Variants in MYOCD observed in about 807,000 individuals in gnomAD.
The protein encoded by MYOCD is myocardin.
In MYOCD, 32 loss-of-function variants were observed where a neutral mutation model predicts 96.1. The ratio of observed to expected loss-of-function variants is 0.33; its 90% CI spans 0.25 to 0.45. MYOCD has a LOEUF of 0.45. MYOCD is among the 20% of genes least tolerant of loss of function. The pLI is 1.00. For synonymous variants in MYOCD, 469 were observed against 469.0 expected, an observed-to-expected ratio of 1.00 and a Z score of 0.00; for missense variants, 1,133 against 1,200.6, an observed-to-expected ratio of 0.94 and a Z score of 0.83.
At chr17:12,680,605 G>A (rs986504899) in intron 1 of MYOCD, among the ~76,000 whole-genome samples, 2 of 152,208 alleles carry the variant, frequency 1.3e-5, no homozygotes, top group Admixed American at 6.5e-5. Flanking sequence ...GGCCCCGGGC[G>A]TGTGTGCGCG....
intron 4 of MYOCD, among the ~76,000 whole-genome samples, chr17:12,721,181 C>T (rs1412633692): frequency 2.0e-5 from 3 of 151,670 alleles, no homozygotes; most frequent in Admixed American, 2.0e-4. Context: ...TTATTTCTTC[C>T]ATCATTACGG....
intron 7 of MYOCD, among the ~76,000 whole-genome samples, chr17:12,743,291 C>T (rs912513836): frequency 4.6e-5 from 7 of 151,950 alleles, no homozygotes; most frequent in Admixed American, 2.0e-4. Context: ...GATCTTTCAT[C>T]GGTATTTGGC....
chr17:12,707,965 G>A (rs988965720), intron 2 of MYOCD, among the ~76,000 whole-genome samples: 6 of 152,104 alleles, frequency 3.9e-5, no homozygotes, highest in Non-Finnish European at 7.3e-5. Context: ...ATGTGTGTGT[G>A]TGTGTATACA....
At chr17:12,717,198 C>A in intron 3 of MYOCD, 148 bp from the exon 4 acceptor site, 1 of 617,804 alleles carries the variant, frequency 1.6e-6, no homozygotes, top group Non-Finnish European at 2.8e-6. Flanking sequence ...CTCGAGGGGT[C>A]TTTGGAAATG....
intron 12 of MYOCD, among the ~76,000 whole-genome samples, chr17:12,759,536 G>A (rs1001768099): frequency 3.9e-5 from 6 of 152,144 alleles, no homozygotes; most frequent in Admixed American, 1.3e-4. Context: ...TGTTTATTGA[G>A]TCTGGGCTCT....
At chr17:12,673,813 C>G (rs1182639163) in intron 1 of MYOCD, among the ~76,000 whole-genome samples, 1 of 152,150 alleles carries the variant, frequency 6.6e-6, no homozygotes, top group East Asian at 1.9e-4. Context: ...AGGCCTATTT[C>G]TATTTGGCGA....
At chr17:12,757,822 A>G (rs940110028) in intron 11 of MYOCD, among the ~76,000 whole-genome samples, 1 of 151,968 alleles carries the variant, frequency 6.6e-6, no homozygotes, top group African/African-American at 2.4e-5. Context: ...TTGGACTGTT[A>G]CTTATTTTCC....
At chr17:12,685,621 A>G (rs78066296) in intron 1 of MYOCD, among the ~76,000 whole-genome samples, 1 of 144,566 alleles carries the variant, frequency 6.9e-6, no homozygotes, top group Admixed American at 7.0e-5. Context: ...AAAAAAAAAA[A>G]GTTATTTTAT....
In MYOCD at chr17:12,678,313, CAAA is replaced by C. The variant is rs34341177; in HGVS notation, c.55+12080_55+12082del. Reference sequence around the variant, plus strand: ...CTATCATCACTTATTCTTTTCCTTTCAAAAAAAAAAAACTGAAAAGGCATAATA... The same window carrying C: ...CTATCATCACTTATTCTTTTCCTTTCAAAAAAAAACTGAAAAGGCATAATA... On this transcript the variant is annotated intron_variant, in intron 1 of 13. Coordinates refer to ENST00000425538, the MANE Select transcript of MYOCD (RefSeq NM_001146312.3). Among the ~76,000 whole-genome samples the C allele has an allele frequency of 9.0e-4, 133 of 147,942 alleles. 1 individual carries two copies. Among genetic ancestry groups the C allele is most frequent in the African/African-American group, 2.2e-3 (90 of 40,618 alleles).
chr17:12,697,357 ATATTTTTTTT>A (rs1161209157), intron 1 of MYOCD, among the ~76,000 whole-genome samples: 2 of 87,046 alleles, frequency 2.3e-5, no homozygotes, highest in African/African-American at 1.1e-4. Flanking sequence ...ATATATATAT[ATATTTTTTTT>A]TTTTTTTTTT....
rs4054959 is a variant in MYOCD, at chr17:12,714,323, GCACACACACACA to G, written c.122-1168_122-1157del. 1.3e-4 allele frequency among the ~76,000 whole-genome samples: 18 copies of G among 136,138 alleles called. No homozygotes were observed. The East Asian group carries it at 1.6e-3, about 12-fold the overall frequency. The allele number at this position is 136,138 out of a possible 152,430, so 89.3% of individuals were successfully genotyped here. On this transcript the variant is annotated intron_variant, in intron 2 of 13. Coordinates refer to ENST00000425538, the MANE Select transcript of MYOCD (RefSeq NM_001146312.3). ...GTCTTAAGGGTTGAATGAGGCACGTGCACACACACACACACACACACACACACACACACACAC... is the reference window on the plus strand; with the variant it reads ...GTCTTAAGGGTTGAATGAGGCACGTGCACACACACACACACACACACACAC...
intron 2 of MYOCD, chr17:12,706,187 T>C (rs746222891): frequency 5.9e-5 from 9 of 152,246 alleles, no homozygotes; most frequent in Non-Finnish European, 1.0e-4. Flanking sequence ...CCTTTGTTCA[T>C]GGCTAAGCTC....
At chr17:12,741,717 A>AT (rs1491533025) in intron 7 of MYOCD, among the ~76,000 whole-genome samples, 12 of 131,714 alleles carry the variant, frequency 9.1e-5, no homozygotes, top group South Asian at 4.8e-4. Flanking sequence ...ATATATATAT[A>AT]AAAAAAAAAA....
chr17:12,724,731 GGTTT>G (rs1398303232), intron 5 of MYOCD, among the ~76,000 whole-genome samples: 1 of 152,036 alleles, frequency 6.6e-6, no homozygotes, highest in Admixed American at 6.5e-5. Flanking sequence ...TTAAGTGGTT[GGTTT>G]AAGAGAGAGG....
chr17:12,714,337 A>ACACACACG (rs1197223100), intron 2 of MYOCD, among the ~76,000 whole-genome samples: 3 of 151,158 alleles, frequency 2.0e-5, no homozygotes, highest in Non-Finnish European at 3.0e-5. Context: ...ACACACACAC[A>ACACACACG]CACACACACA....
chr17:12,739,091 T>C (rs967327278), intron 6 of MYOCD, 112 bp from the exon 7 acceptor site: 1 of 1,248,464 alleles, frequency 8.0e-7, no homozygotes, highest in South Asian at 1.5e-5. Context: ...GATATTTACT[T>C]GGGTGAGAAG....
intron 1 of MYOCD, among the ~76,000 whole-genome samples, chr17:12,699,029 A>G (rs1336320692): frequency 4.0e-5 from 6 of 151,892 alleles, no homozygotes; most frequent in Admixed American, 3.9e-4. Flanking sequence ...GGCGTGAGCC[A>G]CCGCGCCCGG....
At chr17:12,737,753 G>A (rs1330256925) in intron 6 of MYOCD, among the ~76,000 whole-genome samples, 1 of 152,178 alleles carries the variant, frequency 6.6e-6, no homozygotes, top group Non-Finnish European at 1.5e-5. Context: ...ATTAGGGACA[G>A]TTAAAATAAT....
chr17:12,694,001 T>C (rs1449562339), intron 1 of MYOCD, among the ~76,000 whole-genome samples: 1 of 152,134 alleles, frequency 6.6e-6, no homozygotes, highest in African/African-American at 2.4e-5. Flanking sequence ...AGAACTCACT[T>C]CCCACGACCT....
Sources: allele counts gnomAD v4.1 joint callset (sites outside exome capture counted in the v4.1 genomes callset), GRCh38; gene constraint gnomAD v4.1.1; transcripts MANE v1.5; gene names NCBI Gene and HGNC (gene_info 2026-07-23, HGNC 2026-07-21).